Variants in PKD1L1 observed in about 807,000 individuals in gnomAD.
The protein encoded by PKD1L1 is polycystin 1 like 1, transient receptor potential channel interacting, also known as polycystin-1-like protein 1.
PKD1L1 carries 236 observed loss-of-function variants against 323.4 expected under a neutral mutation model. That is an observed-to-expected ratio of 0.73 (90% CI 0.66 to 0.81). The LOEUF (loss-of-function observed/expected upper bound fraction) is 0.81, where lower values mean the gene tolerates loss of function less well. PKD1L1 is among the 40% of genes least tolerant of loss of function. The probability of loss-of-function intolerance (pLI) is 0.00; values close to 1 mark genes in which losing one functional copy is unlikely to be tolerated. For synonymous variants in PKD1L1, 1,344 were observed against 1,335.0 expected, an observed-to-expected ratio of 1.01 and a Z score of -0.15; for missense variants, 3,320 against 3,508.0, an observed-to-expected ratio of 0.95 and a Z score of 1.35.
intron 31 of PKD1L1, among the ~76,000 whole-genome samples, chr7:47,851,170 A>G (rs1036785317): frequency 7.9e-5 from 12 of 152,290 alleles, no homozygotes; most frequent in Admixed American, 3.3e-4. Context: ...CTTGTGTTCT[A>G]ATGTCATTTC....
At chr7:47,866,274 G>T in intron 25 of PKD1L1, 145 bp downstream of exon 25, 1 of 695,504 alleles carries the variant, frequency 1.4e-6, no homozygotes, top group African/African-American at 1.8e-5. Flanking sequence ...AGCCATGTAT[G>T]GGAGCTGAGC....
chr7:47,847,939 C>T (rs954159470), intron 31 of PKD1L1, among the ~76,000 whole-genome samples: 11 of 151,774 alleles, frequency 7.2e-5, no homozygotes, highest in African/African-American at 2.4e-4. Flanking sequence ...AAAACAAACT[C>T]AATACAAAAG....
intron 53 of PKD1L1, among the ~76,000 whole-genome samples, chr7:47,802,734 G>A (rs1234970925): frequency 2.0e-5 from 3 of 152,178 alleles, no homozygotes; most frequent in Non-Finnish European, 4.4e-5. Context: ...CTGTTGATTC[G>A]GAGCTTCACC....
intron 26 of PKD1L1, among the ~76,000 whole-genome samples, 195 bp downstream of exon 26, chr7:47,865,021 T>G (rs928784182): frequency 2.0e-5 from 3 of 152,094 alleles, no homozygotes; most frequent in African/African-American, 7.2e-5. Flanking sequence ...CCACTGTGCC[T>G]GGCCTAGATT....
chr7:47,794,264 T>C (rs189040520), intron 55 of PKD1L1, among the ~76,000 whole-genome samples: 8 of 152,172 alleles, frequency 5.3e-5, no homozygotes, highest in Admixed American at 2.6e-4. Context: ...TCTCCCATCA[T>C]AGGCCTGGAT....
intron 26 of PKD1L1, among the ~76,000 whole-genome samples, chr7:47,861,254 G>T (rs1786016567): frequency 6.6e-6 from 1 of 152,236 alleles, no homozygotes; most frequent in Admixed American, 6.5e-5. Flanking sequence ...GTAGTCTAAA[G>T]TTGGAAGACA....
chr7:47,862,532 C>T (rs532543857), intron 26 of PKD1L1, among the ~76,000 whole-genome samples: 1 of 152,246 alleles, frequency 6.6e-6, no homozygotes, highest in East Asian at 1.9e-4. Context: ...AGTCGACATT[C>T]CAGTGGGGGA....
At chr7:47,898,435 A>G (rs1392557976) in intron 13 of PKD1L1, among the ~76,000 whole-genome samples, 2 of 152,312 alleles carry the variant, frequency 1.3e-5, no homozygotes, top group African/African-American at 4.8e-5. Context: ...TTATATACTC[A>G]TGAGAAAAAA....
chr7:47,941,154 G>A (rs781682734), intron 2 of PKD1L1, among the ~76,000 whole-genome samples: 1 of 152,218 alleles, frequency 6.6e-6, no homozygotes, highest in Non-Finnish European at 1.5e-5. Flanking sequence ...AGGTAGGAGG[G>A]GAAGGAAGTG....
At chr7:47,944,523 T>C (rs1196608902) in intron 1 of PKD1L1, among the ~76,000 whole-genome samples, 2 of 152,180 alleles carry the variant, frequency 1.3e-5, no homozygotes, top group East Asian at 1.9e-4. Flanking sequence ...GCTCACACCA[T>C]CAGTGAGAGG....
chr7:47,839,374 G>T lies in PKD1L1; in HGVS notation c.5769+72C>A. ...GTTCAAAGACACAACTGTGGCAAGC[G>T]AAGCAGAGACAGGTGCCATGCTCTG... is the stretch of plus-strand genomic sequence containing the variant. On this transcript the variant is annotated intron_variant, in intron 36 of 56. Coordinates refer to ENST00000289672, the MANE Select transcript of PKD1L1 (RefSeq NM_138295.5). The surrounding 1 kb of genome is among the most constrained non-coding windows in gnomAD (Gnocchi z 4.3). 7.8e-7 allele frequency: 1 copy of T among 1,280,088 alleles called. No homozygotes were observed. Among genetic ancestry groups the T allele is most frequent in the Non-Finnish European group, 1.1e-6 (1 of 914,982 alleles). The allele number at this position is 1,280,088 out of a possible 1,614,324, so 79.3% of individuals were successfully genotyped here.
the PKD1L1 span, among the ~76,000 whole-genome samples, chr7:47,960,093 C>A: frequency 5.9e-4 from 89 of 151,782 alleles, 1 homozygote; most frequent in South Asian, 0.018. Context: ...CTCTCTGAAA[C>A]ATGTGCTGTG....
At chr7:47,775,394 A>G (rs1171359498) in intron 56 of PKD1L1, among the ~76,000 whole-genome samples, 1 of 152,234 alleles carries the variant, frequency 6.6e-6, no homozygotes, top group South Asian at 2.1e-4. Context: ...GGCCATTAAA[A>G]CAAGCTTCAA....
chr7:47,858,522 T>A, intron 27 of PKD1L1, 151 bp downstream of exon 27: 1 of 634,338 alleles, frequency 1.6e-6, no homozygotes, highest in Non-Finnish European at 2.7e-6. Flanking sequence ...AAAATGAAAG[T>A]CTCCAAATAC....
intron 56 of PKD1L1, among the ~76,000 whole-genome samples, chr7:47,781,537 T>C (rs990879444): frequency 3.3e-5 from 5 of 151,590 alleles, no homozygotes; most frequent in African/African-American, 1.2e-4. Context: ...GCCTCCCAAG[T>C]AGCTGGGACT....
At chr7:47,813,367 C>T in intron 48 of PKD1L1, 74 bp from the exon 49 acceptor site, 1 of 1,518,686 alleles carries the variant, frequency 6.6e-7, no homozygotes, top group South Asian at 1.2e-5. Flanking sequence ...GGTCTCCAGG[C>T]CTGGCCACAT....
chr7:47,904,558 A>C lies in PKD1L1; in HGVS notation c.1751T>G (p.Val584Gly). 6.2e-7 allele frequency: 1 copy of C among 1,614,122 alleles called. No individual in the cohort carries two copies. Among genetic ancestry groups the C allele is most frequent in the Non-Finnish European group, 8.5e-7 (1 of 1,180,018 alleles). The change falls in exon 12 of 57, where the codon GTC becomes GGC. Residue 584 changes from valine (V) to glycine (G), a missense_variant. Coordinates refer to ENST00000289672, the MANE Select transcript of PKD1L1 (RefSeq NM_138295.5). ...RMSSVVSEPHVIRVQKKIVAN... is the reference protein window; with the variant it reads ...RMSSVVSEPHGIRVQKKIVAN... ...CACAATTTTCTTCTGCACCCTGATG[A>C]CATGGGGCTCAGAGACCACACTGCT...
At chr7:47,905,348 A>G (rs369824272) in intron 10 of PKD1L1, 23 bp from the exon 11 acceptor site, 5 of 1,609,260 alleles carry the variant, frequency 3.1e-6, no homozygotes, top group Non-Finnish European at 4.2e-6. Context: ...AAAGGAAGGT[A>G]TGTCTATGTC....
intron 1 of PKD1L1, among the ~76,000 whole-genome samples, chr7:47,943,755 C>T (rs966916142): frequency 6.6e-6 from 1 of 152,206 alleles, no homozygotes; most frequent in African/African-American, 2.4e-5. Context: ...CTAAAACAGC[C>T]TCCGAACAGA....
Sources: allele counts gnomAD v4.1 joint callset (sites outside exome capture counted in the v4.1 genomes callset), GRCh38; gene constraint gnomAD v4.1.1; non-coding constraint Gnocchi (gnomAD v3.1); transcripts MANE v1.5; gene names NCBI Gene and HGNC (gene_info 2026-07-23, HGNC 2026-07-21).